The following NUFIP2 variants were observed in gnomAD, a reference collection of about 807,000 sequenced individuals.
NUFIP2 encodes FMR1-interacting protein NUFIP2.
NUFIP2 carries 6 observed loss-of-function variants against 56.9 expected under a neutral mutation model. That is an observed-to-expected ratio of 0.11 (90% CI 0.06 to 0.21). The LOEUF (loss-of-function observed/expected upper bound fraction) is 0.21. Among genes scored for constraint, NUFIP2 ranks in the 10% least tolerant of loss-of-function variants. The probability of loss-of-function intolerance (pLI) is 1.00; values close to 1 mark genes in which losing one functional copy is unlikely to be tolerated. For synonymous variants in NUFIP2, 321 were observed against 298.2 expected, an observed-to-expected ratio of 1.08 and a Z score of -0.79; for missense variants, 828 against 826.8, an observed-to-expected ratio of 1.00 and a Z score of -0.02.
At chr17:29,268,771 C>A (rs1188285279) in intron 2 of NUFIP2, among the ~76,000 whole-genome samples, 2 of 151,904 alleles carry the variant, frequency 1.3e-5, no homozygotes, top group African/African-American at 4.8e-5. Flanking sequence ...TCAAGTGATC[C>A]GCCCACCTCA....
chr17:29,263,069 A>G lies in NUFIP2; in HGVS notation c.*1470T>C, dbSNP rs193232088. 2.6e-5 allele frequency: 4 copies of G among 152,652 alleles called. No homozygotes were observed. In the East Asian group the frequency reaches 7.7e-4, roughly 29 times the overall value. The allele number at this position is 152,652 out of a possible 1,614,324, so 9.5% of individuals were successfully genotyped here. On this transcript the variant is annotated 3_prime_UTR_variant, in exon 4 of 4. Coordinates refer to ENST00000225388, the MANE Select transcript of NUFIP2 (RefSeq NM_020772.3). The stretch of plus-strand genomic sequence containing the variant: ...CAACTCTTTATATAAATGCCCTGAT[A>G]TTTTAACCTGTATTTGACATACATG...
Position 29,256,715 on chromosome 17 carries a change from T to TATATCTAC in NUFIP2, c.*7823_*7824insGTAGATAT, listed in dbSNP as rs1182895204. ...TGATTTGACAAAACCTGGGTAGTAGTACATCTACACATTATAAGTACACAT... is the reference window on the plus strand; with the variant it reads ...TGATTTGACAAAACCTGGGTAGTAGTATATCTACACATCTACACATTATAAGTACACAT... On this transcript the variant is annotated 3_prime_UTR_variant, in exon 4 of 4. Transcript: ENST00000225388. 115 of 151,488 alleles carry TATATCTAC rather than the reference T, an allele frequency of 7.6e-4. No individual in the cohort carries two copies. Among genetic ancestry groups the TATATCTAC allele is most frequent in the Non-Finnish European group, 1.3e-4 (9 of 67,814 alleles). 9.4% of individuals were successfully genotyped at this position (151,488 alleles called of 1,614,324 possible). A position where few individuals can be genotyped will look rare whatever the true frequency, so the allele number is the denominator to read the frequency against.
chr17:29,281,997 C>G (rs146667530), intron 2 of NUFIP2, among the ~76,000 whole-genome samples: 1 of 151,628 alleles, frequency 6.6e-6, no homozygotes, highest in African/African-American at 2.4e-5. Context: ...CTCCTGACCT[C>G]GTGATCCACC....
intron 1 of NUFIP2, among the ~76,000 whole-genome samples, chr17:29,292,077 T>C (rs1467939382): frequency 6.6e-6 from 1 of 152,252 alleles, no homozygotes; most frequent in African/African-American, 2.4e-5. Flanking sequence ...TTATAAACTA[T>C]TAAACTCACT....
At position 29,264,504 on chromosome 17, in the gene NUFIP2, G is replaced by A; in HGVS notation, c.*35C>T. On this transcript the variant is annotated 3_prime_UTR_variant, in exon 4 of 4. Coordinates refer to ENST00000225388, the MANE Select transcript of NUFIP2 (RefSeq NM_020772.3). ...GTCCCCCATGAACGATGGCTCTAAT[G>A]CTGCAGAAAGGTTACGAATAGGCAG... is the stretch of plus-strand genomic sequence containing the variant. 1 of 1,505,428 alleles carries A rather than the reference G, an allele frequency of 6.6e-7. No homozygotes were observed. Among genetic ancestry groups the A allele is most frequent in the Non-Finnish European group, 9.2e-7 (1 of 1,082,724 alleles). 93.3% of individuals were successfully genotyped at this position (1,505,428 alleles called of 1,614,324 possible).
chr17:29,293,471 G>A (rs867513700), intron 1 of NUFIP2, among the ~76,000 whole-genome samples: 1 of 152,160 alleles, frequency 6.6e-6, no homozygotes, highest in Non-Finnish European at 1.5e-5. Context: ...AGGGACGCAG[G>A]GAGGTGAATG....
intron 1 of NUFIP2, among the ~76,000 whole-genome samples, chr17:29,288,900 T>A (rs148258333): frequency 1.3e-4 from 20 of 152,222 alleles, no homozygotes; most frequent in Admixed American, 1.2e-3. Flanking sequence ...TCTGTAAACA[T>A]AGCACTTTGG....
Position 29,256,236 on chromosome 17 carries a change from G to A in NUFIP2, c.*8303C>T, listed in dbSNP as rs753719177. The A allele has an allele frequency of 5.9e-5, 9 of 152,178 alleles. No homozygotes were observed. Among genetic ancestry groups the A allele is most frequent in the Admixed American group, 1.3e-4 (2 of 15,282 alleles). The allele number at this position is 152,178 out of a possible 1,614,324, so 9.4% of individuals were successfully genotyped here. Reference sequence around the variant, plus strand: ...ATTATCCATTCCCCCAGATTAAGAGGTAACTCAGCTCCTTAGTGCCTCTGC... The same window carrying A: ...ATTATCCATTCCCCCAGATTAAGAGATAACTCAGCTCCTTAGTGCCTCTGC... On this transcript the variant is annotated 3_prime_UTR_variant, in exon 4 of 4. Transcript: ENST00000225388.
intron 2 of NUFIP2, among the ~76,000 whole-genome samples, chr17:29,272,105 GGAGAA>G (rs1296627700): frequency 3.6e-5 from 5 of 138,156 alleles, no homozygotes; most frequent in East Asian, 4.5e-4. Context: ...GGAGGGGAGG[GGAGAA>G]GAGAAGAGAA....
intron 2 of NUFIP2, among the ~76,000 whole-genome samples, chr17:29,271,186 A>G (rs1451852864): frequency 6.6e-6 from 1 of 152,152 alleles, no homozygotes. Flanking sequence ...GGAAATAGGG[A>G]TGTATGATGT....
chr17:29,284,724 A>AG (rs1288396232), intron 2 of NUFIP2, among the ~76,000 whole-genome samples: 16 of 150,488 alleles, frequency 1.1e-4, no homozygotes, highest in Non-Finnish European at 2.2e-4. Context: ...AAAAAAAAAA[A>AG]AAAGAAAAAA....
Position 29,286,072 on chromosome 17 carries a change from T to C in NUFIP2, c.1922A>G (p.Gln641Arg). 1 of 1,614,060 alleles carries C rather than the reference T, an allele frequency of 6.2e-7. No homozygotes were observed. Among genetic ancestry groups the C allele is most frequent in the South Asian group, 1.1e-5 (1 of 91,078 alleles). Reference protein sequence around the residue: ...TNTLLGSAKEQRYQRGLERND... With the variant: ...TNTLLGSAKERRYQRGLERND... The stretch of plus-strand genomic sequence containing the variant: ...CCTTTCTAGGCCTCTCTGGTATCTC[T>C]GTTCTTTGGCAGAGCCTAACAAAGT... Residue 641 changes from glutamine to arginine, a missense_variant, in exon 2 of 4, where the codon CAG (glutamine) becomes CGG (arginine). Physicochemically the swap from Gln to Arg is conservative, Grantham distance 43 (BLOSUM62 1). This residue lies in a region of NUFIP2 where 404 missense variants were observed against 380.3 expected (regional missense o/e 1.06). Transcript: ENST00000225388.
intron 2 of NUFIP2, among the ~76,000 whole-genome samples, chr17:29,271,074 G>A (rs1478248965): frequency 6.6e-6 from 1 of 152,006 alleles, no homozygotes; most frequent in African/African-American, 2.4e-5. Context: ...GCAGCTTAAG[G>A]TTTTACTCAA....
intron 1 of NUFIP2, among the ~76,000 whole-genome samples, chr17:29,290,664 A>G (rs572174062): frequency 4.8e-5 from 7 of 147,282 alleles, no homozygotes; most frequent in Non-Finnish European, 3.0e-5. Context: ...AAAAAAAAAA[A>G]AAAGAAAGAA....
At chr17:29,279,073 A>C (rs1456812777) in intron 2 of NUFIP2, among the ~76,000 whole-genome samples, 1 of 152,242 alleles carries the variant, frequency 6.6e-6, no homozygotes, top group African/African-American at 2.4e-5. Context: ...ACACATTAAT[A>C]AGATTATTAG....
chr17:29,283,791 AT>A (rs573062606), intron 2 of NUFIP2, among the ~76,000 whole-genome samples: 4 of 152,180 alleles, frequency 2.6e-5, no homozygotes, highest in Non-Finnish European at 5.9e-5. Flanking sequence ...AAAACGAAGC[AT>A]TTATCTTTTT....
intron 2 of NUFIP2, among the ~76,000 whole-genome samples, chr17:29,281,335 T>G (rs1045268213): frequency 2.7e-5 from 4 of 146,590 alleles, no homozygotes; most frequent in Admixed American, 2.1e-4. Context: ...AAAATAAAAA[T>G]AAAAAAATTA....
chr17:29,265,464 G>A (rs1272082580), intron 3 of NUFIP2, among the ~76,000 whole-genome samples: 3 of 146,624 alleles, frequency 2.0e-5, no homozygotes, highest in Non-Finnish European at 3.0e-5. Context: ...TACCACGCCC[G>A]GCTAATTTTT....
In NUFIP2 at chr17:29,287,011, G is replaced by C; in HGVS notation, c.983C>G (p.Ala328Gly). ...TAGGGTCCACGAGTCCTCTTTGGAGGCAACAGCTGAAGCATGCTTTCCTTT... is the reference window on the plus strand; with the variant it reads ...TAGGGTCCACGAGTCCTCTTTGGAGCCAACAGCTGAAGCATGCTTTCCTTT... ...RPKGKHASAV[A>G]SKEDSWTLFK... Residue 328 changes from alanine (A) to glycine (G), a missense_variant, in exon 2 of 4, where the codon GCC (alanine) becomes GGC (glycine). This residue lies in a region of NUFIP2 where 415 missense variants were observed against 408.7 expected (regional missense o/e 1.02). Transcript: ENST00000225388. The C allele has an allele frequency of 6.2e-7, 1 of 1,614,148 alleles. No individual in the cohort carries two copies. The highest frequency in any genetic ancestry group is 8.5e-7 in the Non-Finnish European group (1 of 1,180,034).
Sources: gnomAD v4.1 joint callset for allele counts (sites outside exome capture counted in the v4.1 genomes callset) on GRCh38, gnomAD v4.1.1 for gene constraint, gnomAD v4.1.1 regional missense constraint, MANE v1.5 for transcripts, NCBI Gene and HGNC (gene_info 2026-07-23, HGNC 2026-07-21) for gene names.